The following COL23A1 variants were observed in gnomAD, a reference collection of about 807,000 sequenced individuals.
The protein encoded by COL23A1 is collagen alpha-1(XXIII) chain.
Under a neutral mutation model 99.3 loss-of-function variants are expected in COL23A1, and 97 were observed. The ratio of observed to expected loss-of-function variants is 0.98; its 90% CI spans 0.83 to 1.16. The LOEUF (loss-of-function observed/expected upper bound fraction) is 1.16, where lower values mean the gene tolerates loss of function less well. COL23A1 is among the 50% of genes most tolerant of loss of function. The pLI is 0.00. For missense variants in COL23A1, 762 were observed against 757.4 expected, an observed-to-expected ratio of 1.01 and a Z score of -0.07; for synonymous variants, 320 against 308.2, an observed-to-expected ratio of 1.04 and a Z score of -0.40.
At chr5:178,585,611 G>T (rs1265835880) in intron 1 of COL23A1, among the ~76,000 whole-genome samples, 52 of 146,162 alleles carry the variant, frequency 3.6e-4, no homozygotes, top group African/African-American at 1.2e-3. Flanking sequence ...ACACTCCACA[G>T]CCCTGGATGG....
intron 3 of COL23A1, among the ~76,000 whole-genome samples, chr5:178,292,714 C>G (rs1008820564): frequency 1.1e-4 from 16 of 152,288 alleles, no homozygotes; most frequent in Admixed American, 5.9e-4. Flanking sequence ...TGGATTGATT[C>G]TGACAGCACA....
At chr5:178,247,202 G>T (rs1764747766) in intron 22 of COL23A1, among the ~76,000 whole-genome samples, 1 of 152,134 alleles carries the variant, frequency 6.6e-6, no homozygotes, top group Non-Finnish European at 1.5e-5. Context: ...TGGGGACAGT[G>T]CAAGGAACTG....
At chr5:178,565,549 C>T (rs527500275) in intron 1 of COL23A1, among the ~76,000 whole-genome samples, 124 of 152,134 alleles carry the variant, frequency 8.2e-4, no homozygotes, top group African/African-American at 2.8e-3. Flanking sequence ...TACCCCACCA[C>T]GATGATGATG....
intron 2 of COL23A1, among the ~76,000 whole-genome samples, chr5:178,478,638 T>C (rs1202114521): frequency 6.6e-6 from 1 of 152,208 alleles, no homozygotes; most frequent in South Asian, 2.1e-4. Context: ...TCCCTTCCTG[T>C]GTCCACAGAG....
chr5:178,369,982 G>A lies in COL23A1; in HGVS notation c.362-63063C>T, dbSNP rs148644352. ...GATGTGGCCCGAAGTACTGAGTCAC[G>A]TTAATGTGGAACCCAGCTGGAGGAA... is the stretch of plus-strand genomic sequence containing the variant. On this transcript the variant is annotated intron_variant, in intron 2 of 28. Coordinates refer to ENST00000390654, the MANE Select transcript of COL23A1 (RefSeq NM_173465.4). 2.8e-4 allele frequency among the ~76,000 whole-genome samples: 43 copies of A among 152,306 alleles called. No individual in the cohort carries two copies. The Middle Eastern group carries it at 0.01, about 36-fold the overall frequency.
At chr5:178,381,796 C>T (rs1374821772) in intron 2 of COL23A1, among the ~76,000 whole-genome samples, 3 of 152,288 alleles carry the variant, frequency 2.0e-5, no homozygotes, top group Non-Finnish European at 2.9e-5. Context: ...CCACCACGCC[C>T]GGCTGATTTT....
At position 178,502,786 on chromosome 5, in the gene COL23A1, G is replaced by A. The variant is rs938753624; in HGVS notation, c.361+57896C>T. ...GAACCCTAAGGAAACTCTCACACAC[G>A]CCAGAAGACGTGCACAGAGACGTTC... is the stretch of plus-strand genomic sequence containing the variant. On this transcript the variant is annotated intron_variant, in intron 2 of 28. Coordinates refer to ENST00000390654, the MANE Select transcript of COL23A1 (RefSeq NM_173465.4). 9.2e-5 allele frequency among the ~76,000 whole-genome samples: 14 copies of A among 152,290 alleles called. No homozygotes were observed. In the East Asian group the frequency reaches 1.9e-3, roughly 21 times the overall value.
At chr5:178,509,325 A>G (rs1019854456) in intron 2 of COL23A1, among the ~76,000 whole-genome samples, 2 of 151,874 alleles carry the variant, frequency 1.3e-5, no homozygotes, top group African/African-American at 2.4e-5. Context: ...AGGTTCAAGC[A>G]ATTCTCTGCC....
chr5:178,381,900 T>C (rs1399153921), intron 2 of COL23A1, among the ~76,000 whole-genome samples: 1 of 152,212 alleles, frequency 6.6e-6, no homozygotes, highest in Non-Finnish European at 1.5e-5. Flanking sequence ...CTTCCCAAAG[T>C]GCTGGGATTA....
intron 5 of COL23A1, among the ~76,000 whole-genome samples, chr5:178,271,800 C>T (rs1301809660): frequency 6.6e-6 from 1 of 152,206 alleles, no homozygotes; most frequent in Non-Finnish European, 1.5e-5. Flanking sequence ...TTGGACCTAA[C>T]AAGTGTGTGT....
At chr5:178,249,716 A>ACACACACACACTCACTCTCTCT in intron 18 of COL23A1, among the ~76,000 whole-genome samples, 27 of 92,806 alleles carry the variant, frequency 2.9e-4, no homozygotes, top group Non-Finnish European at 3.7e-4. Context: ...ACACACACAC[A>ACACACACACACTCACTCTCTCT]CTCTCTCTCT....
At chr5:178,502,422 C>CAA (rs1758618545) in intron 2 of COL23A1, among the ~76,000 whole-genome samples, 4 of 152,192 alleles carry the variant, frequency 2.6e-5, no homozygotes, top group Admixed American at 2.6e-4. Flanking sequence ...TGAGCCACTG[C>CAA]GCCCAGCCAA....
chr5:178,290,298 G>A, intron 4 of COL23A1, 64 bp downstream of exon 4: 1 of 1,610,264 alleles, frequency 6.2e-7, no homozygotes, highest in South Asian at 1.1e-5. Flanking sequence ...TCATGGAATT[G>A]CAACAGAGAG....
At chr5:178,316,204 T>C (rs1758973913) in intron 2 of COL23A1, among the ~76,000 whole-genome samples, 2 of 152,220 alleles carry the variant, frequency 1.3e-5, no homozygotes, top group Admixed American at 6.5e-5. Context: ...AGATATTTAC[T>C]TCTAGATAGG....
At chr5:178,466,154 C>T (rs1008981282) in intron 2 of COL23A1, among the ~76,000 whole-genome samples, 1 of 152,140 alleles carries the variant, frequency 6.6e-6, no homozygotes, top group African/African-American at 2.4e-5. Context: ...CCATCTTCGC[C>T]GGTGTTGGAG....
chr5:178,355,799 G>T (rs552189335), intron 2 of COL23A1, among the ~76,000 whole-genome samples: 2 of 152,046 alleles, frequency 1.3e-5, no homozygotes, highest in South Asian at 2.1e-4. Flanking sequence ...AATTTTTTTT[G>T]ATCTGTGTTT....
In COL23A1 at chr5:178,439,930, G is replaced by A. The variant is rs1766767632; in HGVS notation, c.361+120752C>T. 1 of 152,246 alleles carries A rather than the reference G, an allele frequency of 6.6e-6. No individual in the cohort carries two copies. The highest frequency in any genetic ancestry group is 6.5e-5 in the Admixed American group (1 of 15,288). 9.4% of individuals were successfully genotyped at this position (152,246 alleles called of 1,614,324 possible). On this transcript the variant is annotated intron_variant, in intron 2 of 28. Coordinates refer to ENST00000390654, the MANE Select transcript of COL23A1 (RefSeq NM_173465.4). The surrounding 1 kb of genome is among the most constrained non-coding windows in gnomAD (Gnocchi z 4.2). The stretch of plus-strand genomic sequence containing the variant: ...GAAGCCAGACACAAAGGACTGGATT[G>A]TAGGAGTCCATGTGTACACGGTTTC...
At chr5:178,301,489 G>A (rs1328978402) in intron 3 of COL23A1, among the ~76,000 whole-genome samples, 1 of 152,008 alleles carries the variant, frequency 6.6e-6, no homozygotes, top group Non-Finnish European at 1.5e-5. Flanking sequence ...CTACTTTCCT[G>A]TCTTCTAATT....
chr5:178,400,258 T>G (rs1764368639), intron 2 of COL23A1, among the ~76,000 whole-genome samples: 1 of 142,002 alleles, frequency 7.0e-6, no homozygotes, highest in Non-Finnish European at 1.5e-5. Flanking sequence ...CCACAGCTAC[T>G]GGGGAGGCTG....
Sources: allele counts gnomAD v4.1 joint callset (sites outside exome capture counted in the v4.1 genomes callset), GRCh38; gene constraint gnomAD v4.1.1; non-coding constraint Gnocchi (gnomAD v3.1); transcripts MANE v1.5; gene names NCBI Gene and HGNC (gene_info 2026-07-23, HGNC 2026-07-21).